SESTD1: variants seen among roughly 807,000 people sequenced by gnomAD.
SESTD1 encodes SEC14 and spectrin domain containing 1, also known as SEC14 domain and spectrin repeat-containing protein 1.
In SESTD1, 43 loss-of-function variants were observed where a neutral mutation model predicts 101.7. That is an observed-to-expected ratio of 0.42 (90% CI 0.33 to 0.55). The LOEUF (loss-of-function observed/expected upper bound fraction) is 0.55. Among genes scored for constraint, SESTD1 ranks in the 20% least tolerant of loss-of-function variants. SESTD1 has a pLI of 0.07. For synonymous variants in SESTD1, 283 were observed against 286.8 expected, an observed-to-expected ratio of 0.99 and a Z score of 0.13; for missense variants, 647 against 815.1, an observed-to-expected ratio of 0.79 and a Z score of 2.51.
chr2:179,207,642 T>A (rs1322689708), intron 1 of SESTD1, among the ~76,000 whole-genome samples: 1 of 134,384 alleles, frequency 7.4e-6, no homozygotes, highest in Non-Finnish European at 1.6e-5. Flanking sequence ...GCAATAACAA[T>A]CACTGCAGTC....
At chr2:179,240,427 C>T (rs1318058064) in intron 1 of SESTD1, among the ~76,000 whole-genome samples, 3 of 152,076 alleles carry the variant, frequency 2.0e-5, no homozygotes, top group Non-Finnish European at 4.4e-5. Context: ...AGTCTGTGAA[C>T]GGTAGAGAAA....
At chr2:179,195,525 A>G (rs1044147058) in intron 1 of SESTD1, among the ~76,000 whole-genome samples, 8 of 152,184 alleles carry the variant, frequency 5.3e-5, no homozygotes, top group Non-Finnish European at 1.2e-4. Context: ...AGAAACTTCA[A>G]CTTAGATAGT....
At chr2:179,234,048 T>C (rs1211117460) in intron 1 of SESTD1, among the ~76,000 whole-genome samples, 1 of 152,166 alleles carries the variant, frequency 6.6e-6, no homozygotes, top group Non-Finnish European at 1.5e-5. Context: ...GTAGAGTAAA[T>C]CAGTTTGCCC....
intron 1 of SESTD1, among the ~76,000 whole-genome samples, chr2:179,233,855 C>T (rs1329454215): frequency 2.0e-5 from 3 of 152,154 alleles, no homozygotes; most frequent in African/African-American, 7.2e-5. Flanking sequence ...TATGTGTATG[C>T]ATGCCCTGGT....
chr2:179,162,258 A>C (rs966744733), intron 5 of SESTD1, among the ~76,000 whole-genome samples: 38 of 152,072 alleles, frequency 2.5e-4, no homozygotes, highest in Non-Finnish European at 4.4e-4. Flanking sequence ...AAAAAAAAAA[A>C]CCATATTTTT....
At chr2:179,139,269 C>T (rs1420418792) in intron 9 of SESTD1, among the ~76,000 whole-genome samples, 1 of 152,132 alleles carries the variant, frequency 6.6e-6, no homozygotes, top group Admixed American at 6.6e-5. Context: ...GCAATTTGTA[C>T]CATCAAGCAG....
At chr2:179,260,346 T>C (rs2047464750) in intron 1 of SESTD1, among the ~76,000 whole-genome samples, 3 of 152,042 alleles carry the variant, frequency 2.0e-5, no homozygotes, top group African/African-American at 4.8e-5. Flanking sequence ...AGAAACTTCA[T>C]CTCTACAAAA....
intron 5 of SESTD1, among the ~76,000 whole-genome samples, chr2:179,163,660 T>C (rs898591001): frequency 2.0e-5 from 3 of 151,632 alleles, no homozygotes; most frequent in Non-Finnish European, 4.4e-5. Flanking sequence ...AAACATAAAG[T>C]TTTAAAAATA....
chr2:179,109,427 C>G lies in SESTD1; in HGVS notation c.*472G>C. ...ATCTGAAAGGCTTTCTCTGTATTGA[C>G]ACAATAAAAATAATCAATTCTGAAG... On this transcript the variant is annotated 3_prime_UTR_variant, in exon 18 of 18. Coordinates refer to ENST00000428443, the MANE Select transcript of SESTD1 (RefSeq NM_178123.5). 1 of 318,498 alleles carries G rather than the reference C, an allele frequency of 3.1e-6. No individual in the cohort carries two copies. Among genetic ancestry groups the G allele is most frequent in the Non-Finnish European group, 5.7e-6 (1 of 176,290 alleles). 19.7% of individuals were successfully genotyped at this position (318,498 alleles called of 1,614,324 possible). A position where few individuals can be genotyped will look rare whatever the true frequency, so the allele number is the denominator to read the frequency against.
At chr2:179,111,783 G>A (rs191628823) in intron 17 of SESTD1, among the ~76,000 whole-genome samples, 100 of 148,950 alleles carry the variant, frequency 6.7e-4, no homozygotes, top group African/African-American at 2.5e-3. Context: ...GCAGTGGCGT[G>A]ATCTCGGCTC....
rs2044444847 is a variant in SESTD1, at chr2:179,108,785, C to A, written c.*1114G>T. 1 of 151,928 alleles carries A rather than the reference C, an allele frequency of 6.6e-6. No homozygotes were observed. 9.4% of individuals were successfully genotyped at this position (151,928 alleles called of 1,614,324 possible). On this transcript the variant is annotated 3_prime_UTR_variant, in exon 18 of 18. Coordinates refer to ENST00000428443, the MANE Select transcript of SESTD1 (RefSeq NM_178123.5). ...TGCATTTTACCATTTAAACTTAATA[C>A]AAACTTAAAAGAACTAGCATTTCAT...
At chr2:179,250,366 G>C (rs1005059764) in intron 1 of SESTD1, among the ~76,000 whole-genome samples, 67 of 152,170 alleles carry the variant, frequency 4.4e-4, no homozygotes, top group African/African-American at 1.5e-3. Flanking sequence ...TAAAAACAGT[G>C]AAGAACCAAA....
intron 1 of SESTD1, among the ~76,000 whole-genome samples, chr2:179,226,910 A>G (rs538299235): frequency 6.6e-6 from 1 of 152,352 alleles, no homozygotes; most frequent in East Asian, 1.9e-4. Context: ...AGCAGAATAC[A>G]GAGGAAGCAG....
intron 5 of SESTD1, among the ~76,000 whole-genome samples, chr2:179,160,806 T>A (rs1476907164): frequency 2.4e-5 from 3 of 127,422 alleles, no homozygotes; most frequent in African/African-American, 1.6e-4. Flanking sequence ...ATCATTCTAC[T>A]TTTTTTTTGC....
rs928032650 is a variant in SESTD1 at position 179,215,684 on chromosome 2, T to TA, written c.-25-23819dup. On this transcript the variant is annotated intron_variant, in intron 1 of 17. Coordinates refer to ENST00000428443, the MANE Select transcript of SESTD1 (RefSeq NM_178123.5). ...ATTCCAAAGCCTGGCAGAGACACAA[T>TA]AAAAAAAAGAGAATTTTAGACCAAT... is the stretch of plus-strand genomic sequence containing the variant. Among the ~76,000 whole-genome samples the TA allele has an allele frequency of 3.0e-5, 4 of 131,822 alleles. 1 individual carries two copies. Among genetic ancestry groups the TA allele is most frequent in the Non-Finnish European group, 1.6e-5 (1 of 61,672 alleles). 86.5% of individuals were successfully genotyped at this position (131,822 alleles called of 152,430 possible).
intron 9 of SESTD1, among the ~76,000 whole-genome samples, chr2:179,135,414 T>C (rs1162865445): frequency 1.3e-5 from 2 of 152,158 alleles, no homozygotes; most frequent in Non-Finnish European, 2.9e-5. Flanking sequence ...TCTAGAGTCT[T>C]AAAGAATTAA....
chr2:179,188,956 A>G (rs1056792127), intron 2 of SESTD1, among the ~76,000 whole-genome samples: 1 of 152,176 alleles, frequency 6.6e-6, no homozygotes. Context: ...CCAATCAAAA[A>G]AAGCCCTGGA....
intron 5 of SESTD1, among the ~76,000 whole-genome samples, chr2:179,156,315 C>T (rs770619438): frequency 6.6e-6 from 1 of 152,006 alleles, no homozygotes; most frequent in Non-Finnish European, 1.5e-5. Flanking sequence ...GTATCTTTTT[C>T]GTATAATGAC....
At chr2:179,164,155 T>C (rs1212566686) in intron 5 of SESTD1, among the ~76,000 whole-genome samples, 2 of 152,164 alleles carry the variant, frequency 1.3e-5, no homozygotes, top group Non-Finnish European at 2.9e-5. Context: ...TGTACCTGTT[T>C]GTTGAAGAAT....
Sources: allele counts gnomAD v4.1 joint callset (sites outside exome capture counted in the v4.1 genomes callset), GRCh38; gene constraint gnomAD v4.1.1; transcripts MANE v1.5; gene names NCBI Gene and HGNC (gene_info 2026-07-23, HGNC 2026-07-21).